The following SENP5 variants were observed in gnomAD, a reference collection of about 807,000 sequenced individuals.
SENP5 encodes sentrin-specific protease 5.
Under a neutral mutation model 74.2 loss-of-function variants are expected in SENP5, and 21 were observed. The ratio of observed to expected loss-of-function variants is 0.28; its 90% confidence interval spans 0.20 to 0.41. SENP5 has a LOEUF of 0.41. Ranked by LOEUF, SENP5 falls within the 10% of genes least tolerant of loss-of-function variation. The pLI, the probability that SENP5 is intolerant of heterozygous loss-of-function variation, is 1.00. For missense variants in SENP5, 717 were observed against 889.1 expected (o/e 0.81, Z 2.46); for synonymous variants, 311 against 312.7 (o/e 0.99, Z 0.06).
chr3:196,930,506 A>G (rs949635865), intron 9 of SENP5, among the ~76,000 whole-genome samples: 1 of 152,262 alleles, frequency 6.6e-6, no homozygotes, highest in African/African-American at 2.4e-5. Context: ...CCCCTGGGCC[A>G]CGGACAGATA....
chr3:196,903,797 A>ACC (rs1308623751), intron 6 of SENP5, among the ~76,000 whole-genome samples, 187 bp downstream of exon 6: 1 of 152,242 alleles, frequency 6.6e-6, no homozygotes, highest in Non-Finnish European at 1.5e-5. Context: ...ACTGGTCCCA[A>ACC]TTATAGTGGT....
intron 6 of SENP5, among the ~76,000 whole-genome samples, chr3:196,911,622 G>A (rs112435270): frequency 9.2e-5 from 14 of 151,894 alleles, no homozygotes; most frequent in South Asian, 6.2e-4. Flanking sequence ...TCAGTTGGGC[G>A]CGGTGGCTCA....
intron 6 of SENP5, among the ~76,000 whole-genome samples, chr3:196,920,692 A>G (rs546684720): frequency 2.0e-5 from 3 of 152,186 alleles, no homozygotes. Flanking sequence ...GTTTTTAATC[A>G]TAAGTAAATA....
chr3:196,928,987 C>T (rs1232931658), intron 8 of SENP5, among the ~76,000 whole-genome samples: 1 of 152,136 alleles, frequency 6.6e-6, no homozygotes, highest in African/African-American at 2.4e-5. Context: ...TCTAGGAGTT[C>T]AAGACCAGCC....
In SENP5 at chr3:196,932,047, A is replaced by G; in HGVS notation, c.*1124A>G. 2.9e-6 allele frequency: 1 copy of G among 339,140 alleles called. No homozygotes were observed. Among genetic ancestry groups the G allele is most frequent in the Non-Finnish European group, 5.8e-6 (1 of 173,340 alleles). The allele number at this position is 339,140 out of a possible 1,614,324, so 21.0% of individuals were successfully genotyped here. A position where few individuals can be genotyped will look rare whatever the true frequency, so the allele number is the denominator to read the frequency against. On this transcript the variant is annotated 3_prime_UTR_variant, in exon 10 of 10. Coordinates refer to ENST00000323460, the MANE Select transcript of SENP5 (RefSeq NM_152699.5). ...GGGTACGTCTGGCTTCTGCATGGCC[A>G]GTGCTGACACTAGCACAGCTGTTCT...
At chr3:196,880,158 C>G (rs967616208) in intron 1 of SENP5, among the ~76,000 whole-genome samples, 3 of 152,188 alleles carry the variant, frequency 2.0e-5, no homozygotes, top group African/African-American at 7.2e-5. Flanking sequence ...GTTGGCCAGG[C>G]TGGTCTTGAA....
intron 7 of SENP5, among the ~76,000 whole-genome samples, chr3:196,926,210 A>AGGGT (rs1211178832): frequency 6.6e-6 from 1 of 152,156 alleles, no homozygotes; most frequent in East Asian, 1.9e-4. Context: ...CTGGCCGGGC[A>AGGGT]GGGTGGCTCA....
intron 2 of SENP5, among the ~76,000 whole-genome samples, chr3:196,890,363 A>G (rs981876940): frequency 6.6e-6 from 1 of 152,228 alleles, no homozygotes; most frequent in African/African-American, 2.4e-5. Flanking sequence ...TGTCTCTAAT[A>G]TGACTGCACA....
chr3:196,873,703 G>A (rs182206073), intron 1 of SENP5, among the ~76,000 whole-genome samples: 2 of 151,922 alleles, frequency 1.3e-5, no homozygotes, highest in Non-Finnish European at 2.9e-5. Context: ...AGCCGGGTGT[G>A]GTGGCGGGCG....
At chr3:196,887,334 C>T (rs1448188555) in intron 2 of SENP5, among the ~76,000 whole-genome samples, 1 of 152,092 alleles carries the variant, frequency 6.6e-6, no homozygotes, top group Non-Finnish European at 1.5e-5. Flanking sequence ...CACCCGCCAC[C>T]ATGCCTGGCT....
chr3:196,887,044 C>G (rs1437718419), intron 2 of SENP5, among the ~76,000 whole-genome samples: 1 of 152,164 alleles, frequency 6.6e-6, no homozygotes, highest in Non-Finnish European at 1.5e-5. Context: ...AAAAGTTGAA[C>G]CAGTTTACAT....
chr3:196,930,066 T>C (rs1280148618), intron 9 of SENP5, among the ~76,000 whole-genome samples: 1 of 152,040 alleles, frequency 6.6e-6, no homozygotes, highest in African/African-American at 2.4e-5. Context: ...AAGGTCCACG[T>C]TGAGAAACTG....
In SENP5 at chr3:196,934,509, TA is replaced by T. The variant is rs1716169997; in HGVS notation, c.*3588del. 3.9e-5 allele frequency: 6 copies of T among 152,334 alleles called. No homozygotes were observed. The highest frequency in any genetic ancestry group is 3.9e-4 in the Admixed American group (6 of 15,296). 9.4% of individuals were successfully genotyped at this position (152,334 alleles called of 1,614,324 possible). A position where few individuals can be genotyped will look rare whatever the true frequency, so the allele number is the denominator to read the frequency against. On this transcript the variant is annotated 3_prime_UTR_variant, in exon 10 of 10. Transcript: ENST00000323460. Reference sequence around the variant, plus strand: ...TAGGCTTTGCCTCCTGGCCTCTAGATAATTAAGACGGCCCAGGGAATACCAG... The same window carrying T: ...TAGGCTTTGCCTCCTGGCCTCTAGATATTAAGACGGCCCAGGGAATACCAG...
Position 196,931,729 on chromosome 3 carries a change from C to T in SENP5, c.*806C>T. On this transcript the variant is annotated 3_prime_UTR_variant, in exon 10 of 10. Transcript: ENST00000323460. ...CGACCTGTTAAAAAAATCTTAACAT[C>T]CATCAAACTAGTGGTCAAACAAATG... 1 of 271,426 alleles carries T rather than the reference C, an allele frequency of 3.7e-6. No homozygotes were observed. The highest frequency in any genetic ancestry group is 7.3e-6 in the Non-Finnish European group (1 of 136,268). 16.8% of individuals were successfully genotyped at this position (271,426 alleles called of 1,614,324 possible). A position where few individuals can be genotyped will look rare whatever the true frequency, so the allele number is the denominator to read the frequency against.
chr3:196,906,403 C>G (rs1714906264), intron 6 of SENP5, among the ~76,000 whole-genome samples: 1 of 152,042 alleles, frequency 6.6e-6, no homozygotes, highest in Non-Finnish European at 1.5e-5. Flanking sequence ...AGTCTGCAGT[C>G]TAGTGGTGGA....
At chr3:196,918,579 C>T (rs1006960272) in intron 6 of SENP5, among the ~76,000 whole-genome samples, 8 of 151,316 alleles carry the variant, frequency 5.3e-5, no homozygotes, top group Non-Finnish European at 7.4e-5. Context: ...ATCATTTCAA[C>T]GCAAAGAAGG....
chr3:196,872,890 G>T (rs1039277705), intron 1 of SENP5, among the ~76,000 whole-genome samples: 1 of 152,092 alleles, frequency 6.6e-6, no homozygotes, highest in African/African-American at 2.4e-5. Flanking sequence ...GTGTCTGCAA[G>T]GATGGGTAGG....
At chr3:196,893,989 C>G (rs1714326637) in intron 2 of SENP5, among the ~76,000 whole-genome samples, 2 of 151,588 alleles carry the variant, frequency 1.3e-5, no homozygotes, top group African/African-American at 4.9e-5. Flanking sequence ...ATTATGGGCT[C>G]ACTGCCATTT....
rs968122198 is a variant in SENP5, at chr3:196,934,357, T to C, written c.*3434T>C. ...CCCTGGGCTAGCCATAACGGGGTTC[T>C]GGGCAGGTCAGACTCTTCAGCAAGA... On this transcript the variant is annotated 3_prime_UTR_variant, in exon 10 of 10. Coordinates refer to ENST00000323460, the MANE Select transcript of SENP5 (RefSeq NM_152699.5). 6.6e-6 allele frequency: 1 copy of C among 152,242 alleles called. No homozygotes were observed. Among genetic ancestry groups the C allele is most frequent in the Non-Finnish European group, 1.5e-5 (1 of 68,058 alleles). The allele number at this position is 152,242 out of a possible 1,614,324, so 9.4% of individuals were successfully genotyped here.
Sources: allele counts gnomAD v4.1 joint callset (sites outside exome capture counted in the v4.1 genomes callset), GRCh38; gene constraint gnomAD v4.1.1; transcripts MANE v1.5; gene names NCBI Gene and HGNC (gene_info 2026-07-23, HGNC 2026-07-21).